Variants in GAS7 observed in about 807,000 individuals in gnomAD.
GAS7 encodes the protein growth arrest-specific protein 7.
GAS7 carries 28 observed loss-of-function variants against 71.1 expected under a neutral mutation model. The ratio of observed to expected loss-of-function variants is 0.39; its 90% confidence interval spans 0.29 to 0.54. The LOEUF is 0.54. Among genes scored for constraint, GAS7 ranks in the 20% least tolerant of loss-of-function variants. The pLI, the probability that GAS7 is intolerant of heterozygous loss-of-function variation, is 0.62. For synonymous variants in GAS7, 258 were observed against 245.8 expected (o/e 1.05, Z -0.46); for missense variants, 436 against 627.8 (o/e 0.69, Z 3.27).
chr17:10,113,883 C>T (rs1302124662), intron 1 of GAS7, among the ~76,000 whole-genome samples: 3 of 152,110 alleles, frequency 2.0e-5, no homozygotes, highest in Non-Finnish European at 4.4e-5. Flanking sequence ...AACAGATATA[C>T]TTTTGGGTAT....
intron 1 of GAS7, among the ~76,000 whole-genome samples, chr17:10,071,675 A>G (rs1328389784): frequency 1.3e-5 from 2 of 152,242 alleles, no homozygotes; most frequent in Non-Finnish European, 2.9e-5. Flanking sequence ...CTGTAATCCC[A>G]GCACTTTGGG....
chr17:10,146,960 T>C (rs1442171236), intron 1 of GAS7, among the ~76,000 whole-genome samples: 1 of 144,772 alleles, frequency 6.9e-6, no homozygotes, highest in Admixed American at 6.9e-5. Flanking sequence ...CTCCGTCTCA[T>C]AAAAAAAACG....
chr17:10,005,078 C>CACAT lies in GAS7; in HGVS notation c.304+14698_304+14699insATGT, dbSNP rs1555617257. Among the ~76,000 whole-genome samples, 54 of 127,360 alleles carry CACAT rather than the reference C, an allele frequency of 4.2e-4. No homozygotes were observed. The East Asian group carries it at 8.4e-3, about 20-fold the overall frequency. The allele number at this position is 127,360 out of a possible 152,430, so 83.6% of individuals were successfully genotyped here. ...ACATATATGTGTGTATGCACGCATA[C>CACAT]ATGCGTGTGTGCACGCATACATGCA... On this transcript the variant is annotated intron_variant, in intron 2 of 13. Transcript: ENST00000432992.
rs780525609 is a variant in GAS7, at chr17:10,088,256, T to TAATAATAATAATAATAAA, written c.184-68360_184-68359insTTTATTATTATTATTATT. Among the ~76,000 whole-genome samples, 32 of 144,562 alleles carry TAATAATAATAATAATAAA rather than the reference T, an allele frequency of 2.2e-4. No individual in the cohort carries two copies. The South Asian group carries it at 3.5e-3, about 16-fold the overall frequency. 94.8% of individuals were successfully genotyped at this position (144,562 alleles called of 152,430 possible). Reference sequence around the variant, plus strand: ...ATAATAATAATAATAATAATAATAATAAATATGTATATATGCATAAGGAGT... The same window carrying TAATAATAATAATAATAAA: ...ATAATAATAATAATAATAATAATAATAATAATAATAATAATAAAAAATATGTATATATGCATAAGGAGT... On this transcript the variant is annotated intron_variant, in intron 1 of 13. Coordinates refer to ENST00000432992, the MANE Select transcript of GAS7 (RefSeq NM_201433.2).
intron 1 of GAS7, among the ~76,000 whole-genome samples, chr17:10,033,211 C>G (rs979100898): frequency 2.0e-5 from 3 of 152,128 alleles, no homozygotes; most frequent in Non-Finnish European, 2.9e-5. Flanking sequence ...GTTGACCTAA[C>G]AGACTCCCTA....
At chr17:10,070,874 G>A (rs544298203) in intron 1 of GAS7, among the ~76,000 whole-genome samples, 57 of 151,986 alleles carry the variant, frequency 3.8e-4, no homozygotes, top group African/African-American at 1.2e-3. Flanking sequence ...CATACAGAGA[G>A]TAGAAGTCAG....
At chr17:10,196,650 A>C (rs918443298) in intron 1 of GAS7, among the ~76,000 whole-genome samples, 3 of 152,096 alleles carry the variant, frequency 2.0e-5, no homozygotes, top group African/African-American at 7.2e-5. Context: ...TACACAAAAC[A>C]CAGCTGGCTC....
At chr17:9,984,867 A>G (rs2070578759) in intron 2 of GAS7, among the ~76,000 whole-genome samples, 1 of 152,196 alleles carries the variant, frequency 6.6e-6, no homozygotes, top group African/African-American at 2.4e-5. Flanking sequence ...GGGCATCCCC[A>G]GGAGCAGATG....
intron 1 of GAS7, among the ~76,000 whole-genome samples, chr17:10,184,888 G>A (rs1403027696): frequency 6.6e-6 from 1 of 151,878 alleles, no homozygotes; most frequent in Non-Finnish European, 1.5e-5. Context: ...GGAAAAGGGG[G>A]GCCATGGGAG....
chr17:10,066,049 AAGGGAATTAC>A (rs1434359977), intron 1 of GAS7, among the ~76,000 whole-genome samples: 1 of 152,122 alleles, frequency 6.6e-6, no homozygotes, highest in Non-Finnish European at 1.5e-5. Context: ...AGATAAGATG[AAGGGAATTAC>A]AGTATACCCC....
At chr17:10,131,602 A>ACAGAG (rs1340749887) in intron 1 of GAS7, among the ~76,000 whole-genome samples, 1 of 152,228 alleles carries the variant, frequency 6.6e-6, no homozygotes, top group African/African-American at 2.4e-5. Flanking sequence ...AGCCTGGACA[A>ACAGAG]CAGAGCGAGA....
At chr17:10,023,960 C>T (rs1404869809) in intron 1 of GAS7, among the ~76,000 whole-genome samples, 1 of 151,934 alleles carries the variant, frequency 6.6e-6, no homozygotes, top group African/African-American at 2.4e-5. Flanking sequence ...CCTGCATCTA[C>T]TAAAAATACA....
chr17:10,056,821 G>A (rs1001393323), intron 1 of GAS7, among the ~76,000 whole-genome samples: 13 of 151,798 alleles, frequency 8.6e-5, no homozygotes, highest in Non-Finnish European at 1.5e-4. Flanking sequence ...CTCTTTCCAC[G>A]GTCTCCCTCT....
At chr17:10,128,298 A>G (rs1005863741) in intron 1 of GAS7, among the ~76,000 whole-genome samples, 7 of 152,242 alleles carry the variant, frequency 4.6e-5, no homozygotes, top group Non-Finnish European at 7.3e-5. Context: ...CAACTTGTGG[A>G]GAGTCCACAG....
intron 2 of GAS7, among the ~76,000 whole-genome samples, chr17:10,015,278 C>T (rs961519241): frequency 3.9e-5 from 6 of 152,108 alleles, no homozygotes; most frequent in South Asian, 2.1e-4. Flanking sequence ...TCCCCAGGCA[C>T]CCTCTGGAAA....
intron 4 of GAS7, among the ~76,000 whole-genome samples, chr17:9,963,063 G>A (rs7213681): frequency 0.12 from 17,438 of 150,792 alleles, 2,828 homozygotes; most frequent in African/African-American, 0.35. Context: ...AGAAAAAAAG[G>A]TGTAAGGGAT....
intron 1 of GAS7, among the ~76,000 whole-genome samples, chr17:10,117,553 A>G (rs2073871350): frequency 6.6e-6 from 1 of 152,132 alleles, no homozygotes; most frequent in Admixed American, 6.5e-5. Context: ...CAGGAGTGAG[A>G]CCAACGGGGA....
chr17:9,919,712 A>G lies in GAS7; in HGVS notation c.1139-7T>C, dbSNP rs752847431. On this transcript the variant is annotated splice_polypyrimidine_tract_variant and splice_region_variant and intron_variant, in intron 11 of 13. Transcript: ENST00000432992. The surrounding 1 kb of genome is among the most constrained non-coding windows in gnomAD (Gnocchi z 5.0). The stretch of plus-strand genomic sequence containing the variant: ...CAGCGCATGAGGTCGTCTCCTGGAA[A>G]AAGACCACAGTCACCATCATGAAGC... 8.1e-6 allele frequency: 13 copies of G among 1,604,540 alleles called. No individual in the cohort carries two copies. The South Asian group carries it at 1.4e-4, about 18-fold the overall frequency.
intron 1 of GAS7, among the ~76,000 whole-genome samples, chr17:10,139,529 T>A (rs2074064544): frequency 6.6e-6 from 1 of 152,220 alleles, no homozygotes; most frequent in Non-Finnish European, 1.5e-5. Flanking sequence ...TCCCCACTAA[T>A]GAAGAGGCAC....
Sources: allele counts gnomAD v4.1 joint callset (sites outside exome capture counted in the v4.1 genomes callset), GRCh38; gene constraint gnomAD v4.1.1; non-coding constraint Gnocchi (gnomAD v3.1); transcripts MANE v1.5; gene names NCBI Gene and HGNC (gene_info 2026-07-23, HGNC 2026-07-21).